Variants in SAFB observed in about 807,000 individuals in gnomAD.
SAFB encodes the protein scaffold attachment factor B1.
A neutral mutation model predicts 101.6 loss-of-function variants in SAFB; 15 were observed. The observed-to-expected ratio is 0.15, with a 90% CI of 0.10 to 0.23. SAFB has a LOEUF of 0.23. SAFB is among the 10% of genes least tolerant of loss of function. SAFB has a pLI of 1.00. For synonymous variants in SAFB, 449 were observed against 407.5 expected (o/e 1.10, Z -1.23); for missense variants, 930 against 1,104.1 (o/e 0.84, Z 2.23).
intron 2 of SAFB, among the ~76,000 whole-genome samples, chr19:5,633,703 C>T (rs1367344387): frequency 1.3e-5 from 2 of 151,574 alleles, no homozygotes; most frequent in East Asian, 1.9e-4. Flanking sequence ...GGCGTGAACC[C>T]GGGAGGTGGA....
intron 4 of SAFB, among the ~76,000 whole-genome samples, chr19:5,643,574 C>T (rs78250851): frequency 0.017 from 2,588 of 152,208 alleles, 66 homozygotes; most frequent in African/African-American, 0.059. Flanking sequence ...AGTTACTTAC[C>T]CTTCCTGAAT....
At chr19:5,644,520 G>C (rs2053786572) in intron 4 of SAFB, among the ~76,000 whole-genome samples, 1 of 152,234 alleles carries the variant, frequency 6.6e-6, no homozygotes, top group Non-Finnish European at 1.5e-5. Flanking sequence ...CTGCATGGCA[G>C]GAAGAAAGGA....
chr19:5,630,047 A>G (rs2053455174), intron 2 of SAFB, among the ~76,000 whole-genome samples: 2 of 152,230 alleles, frequency 1.3e-5, no homozygotes. Flanking sequence ...CTCAAAAACA[A>G]AAACAAAAAC....
At position 5,667,931 on chromosome 19, in the gene SAFB, T is replaced by C. The variant is rs781592762; in HGVS notation, c.2624+45T>C. ...GCGCCCCTTCCCCCTGCTTTGCATATTGGCCTACCTTGCTGGAGGCTTAAC... is the reference window on the plus strand; with the variant it reads ...GCGCCCCTTCCCCCTGCTTTGCATACTGGCCTACCTTGCTGGAGGCTTAAC... On this transcript the variant is annotated intron_variant, in intron 20 of 20. Coordinates refer to ENST00000588852, the MANE Select transcript of SAFB (RefSeq NM_001201338.2). This position sits in a 1 kb window ranked among gnomAD's most constrained non-coding sequence, Gnocchi z 4.0. 4 of 1,542,566 alleles carry C rather than the reference T, an allele frequency of 2.6e-6. No individual in the cohort carries two copies. The highest frequency in any genetic ancestry group is 3.5e-6 in the Non-Finnish European group (4 of 1,139,314).
chr19:5,654,232 C>T (rs2054004834), intron 12 of SAFB, 32 bp downstream of exon 12: 4 of 1,612,882 alleles, frequency 2.5e-6, no homozygotes, highest in Non-Finnish European at 3.4e-6. Context: ...GAGATTCTGT[C>T]TTGTTTCTGT....
chr19:5,644,370 C>T (rs1284760635), intron 4 of SAFB, among the ~76,000 whole-genome samples: 3 of 152,214 alleles, frequency 2.0e-5, no homozygotes, highest in Non-Finnish European at 4.4e-5. Context: ...GAATTAAGCA[C>T]ATCTGTGTGA....
intron 5 of SAFB, among the ~76,000 whole-genome samples, chr19:5,645,934 G>A (rs1426441324): frequency 6.6e-6 from 1 of 152,068 alleles, no homozygotes; most frequent in African/African-American, 2.4e-5. Flanking sequence ...TTCATTTAAT[G>A]ACTGTATCAT....
chr19:5,624,687 A>ATTT lies in SAFB; in HGVS notation c.189+1310_189+1312dup, dbSNP rs35651330. Among the ~76,000 whole-genome samples the ATTT allele has an allele frequency of 6.2e-3, 759 of 121,564 alleles. 10 individuals are homozygous for ATTT. Among genetic ancestry groups the ATTT allele is most frequent in the African/African-American group, 0.023 (734 of 32,396 alleles). The allele number at this position is 121,564 out of a possible 152,430, so 79.8% of individuals were successfully genotyped here. On this transcript the variant is annotated intron_variant, in intron 1 of 20. Coordinates refer to ENST00000588852, the MANE Select transcript of SAFB (RefSeq NM_001201338.2). The stretch of plus-strand genomic sequence containing the variant: ...TAATTGGTGATGAGAAGAAGTAGGG[A>ATTT]TTTTTTTTTTTTTTTTTTTCCTGAT...
At position 5,667,013 on chromosome 19, in the gene SAFB, C is replaced by T. The variant is rs750757420; in HGVS notation, c.2335-33C>T. The T allele has an allele frequency of 3.6e-6, 5 of 1,394,790 alleles. No individual in the cohort carries two copies. Among genetic ancestry groups the T allele is most frequent in the East Asian group, 2.3e-5 (1 of 43,972 alleles). The allele number at this position is 1,394,790 out of a possible 1,614,324, so 86.4% of individuals were successfully genotyped here. On this transcript the variant is annotated intron_variant, in intron 17 of 20. Coordinates refer to ENST00000588852, the MANE Select transcript of SAFB (RefSeq NM_001201338.2). The surrounding 1 kb of genome is among the most constrained non-coding windows in gnomAD (Gnocchi z 4.0). ...TGGGGTCTGGGCGCTGACACTGAAG[C>T]TTTTTTTTCCCTTCTGGCTCTGTGA...
At chr19:5,637,343 CAAAA>C (rs553264134) in intron 2 of SAFB, among the ~76,000 whole-genome samples, 1 of 67,252 alleles carries the variant, frequency 1.5e-5, no homozygotes, top group African/African-American at 5.4e-5. Flanking sequence ...GACTCCATCT[CAAAA>C]AAAAAAAAAA....
rs761807174 is a variant in SAFB at position 5,664,162 on chromosome 19, C to A, written c.2291+3C>A. The A allele has an allele frequency of 6.2e-7, 1 of 1,613,314 alleles. No individual in the cohort carries two copies. The highest frequency in any genetic ancestry group is 1.3e-5 in the African/African-American group (1 of 75,042). ...TACCCCGACCACTCGGTGGACAGGT[C>A]AGTTGGGCCCCTGCTGGGCGTGCGG... is the stretch of plus-strand genomic sequence containing the variant. On this transcript the variant is annotated splice_donor_region_variant and intron_variant, in intron 16 of 20. Transcript: ENST00000588852.
At chr19:5,624,572 G>A (rs2053304858) in intron 1 of SAFB, among the ~76,000 whole-genome samples, 1 of 151,854 alleles carries the variant, frequency 6.6e-6, no homozygotes, top group African/African-American at 2.4e-5. Context: ...CCGCCTGGCC[G>A]CCCACCCCCC....
chr19:5,667,993 G>A lies in SAFB; in HGVS notation c.2624+107G>A. On this transcript the variant is annotated intron_variant, in intron 20 of 20. Coordinates refer to ENST00000588852, the MANE Select transcript of SAFB (RefSeq NM_001201338.2). This position sits in a 1 kb window ranked among gnomAD's most constrained non-coding sequence, Gnocchi z 4.0. ...TCCAGCTAGTGCCCCTCCCCCCAAG[G>A]GTGACGTGAGGCCAGGCATGGGGTA... The A allele has an allele frequency of 7.0e-7, 1 of 1,419,288 alleles. No individual in the cohort carries two copies. The highest frequency in any genetic ancestry group is 9.6e-7 in the Non-Finnish European group (1 of 1,043,984). The allele number at this position is 1,419,288 out of a possible 1,614,324, so 87.9% of individuals were successfully genotyped here. A position where few individuals can be genotyped will look rare whatever the true frequency, so the allele number is the denominator to read the frequency against.
chr19:5,637,015 C>G (rs756678601), intron 2 of SAFB, among the ~76,000 whole-genome samples: 19 of 150,794 alleles, frequency 1.3e-4, no homozygotes, highest in Non-Finnish European at 2.4e-4. Flanking sequence ...GACCTTGTTT[C>G]CTTAATACTG....
intron 17 of SAFB, 76 bp downstream of exon 17, chr19:5,664,515 C>G: frequency 1.8e-5 from 20 of 1,134,444 alleles, no homozygotes; most frequent in Non-Finnish European, 2.4e-5. Flanking sequence ...TGCCTTCTTC[C>G]TGCCCTTTCT....
At chr19:5,662,358 G>T (rs1457200582) in intron 15 of SAFB, among the ~76,000 whole-genome samples, 1 of 151,998 alleles carries the variant, frequency 6.6e-6, no homozygotes, top group Admixed American at 6.5e-5. Flanking sequence ...ATTGGTCGTG[G>T]TGACAGGCGC....
At chr19:5,665,602 T>C (rs1599390887) in intron 17 of SAFB, 1 of 152,126 alleles carries the variant, frequency 6.6e-6, no homozygotes, top group South Asian at 2.1e-4. Flanking sequence ...CCCAAAGTGC[T>C]AGGATTACAG....
chr19:5,645,354 T>G lies in SAFB; in HGVS notation c.564T>G (p.Thr188=). 4.5e-6 allele frequency: 6 copies of G among 1,329,546 alleles called. No individual in the cohort carries two copies. Among genetic ancestry groups the G allele is most frequent in the Non-Finnish European group, 6.5e-6 (6 of 922,106 alleles). 82.4% of individuals were successfully genotyped at this position (1,329,546 alleles called of 1,614,324 possible). The change falls in exon 5 of 21, where the codon ACT becomes ACG. Residue 188 remains threonine (T), a synonymous_variant. Transcript: ENST00000588852. The part of the protein sequence containing the change: ...LQEHAIEDKE[T]INNLDTSSSD... ...TTTTACAGATAGAGGACAAAGAAACTATAAACAATTTAGATACTTCATCAT... is the reference window on the plus strand; with the variant it reads ...TTTTACAGATAGAGGACAAAGAAACGATAAACAATTTAGATACTTCATCAT...
intron 13 of SAFB, 109 bp downstream of exon 13, chr19:5,654,565 C>G: frequency 3.8e-6 from 3 of 780,660 alleles, no homozygotes; most frequent in Non-Finnish European, 2.2e-6. Flanking sequence ...TTTTGTCGGC[C>G]GTTTCGAAAA....
Sources: allele counts gnomAD v4.1 joint callset (sites outside exome capture counted in the v4.1 genomes callset), GRCh38; gene constraint gnomAD v4.1.1; non-coding constraint Gnocchi (gnomAD v3.1); transcripts MANE v1.5; gene names NCBI Gene and HGNC (gene_info 2026-07-23, HGNC 2026-07-21).